Variants in CDH1 observed in about 807,000 individuals in gnomAD.
CDH1 encodes the protein cadherin-1.
CDH1 carries 35 observed loss-of-function variants against 84.5 expected under a neutral mutation model. The ratio of observed to expected loss-of-function variants is 0.41; its 90% confidence interval spans 0.32 to 0.55. The LOEUF is 0.55. Ranked by LOEUF, CDH1 falls within the 20% of genes least tolerant of loss-of-function variation. The pLI is 0.19. For missense variants in CDH1, 994 were observed against 1,126.6 expected (o/e 0.88, Z 1.68); for synonymous variants, 417 against 439.0 (o/e 0.95, Z 0.63).
intron 2 of CDH1, among the ~76,000 whole-genome samples, chr16:68,783,974 C>T (rs970354338): frequency 2.0e-5 from 3 of 152,136 alleles, no homozygotes; most frequent in Non-Finnish European, 4.4e-5. Context: ...CCGTGCCCAG[C>T]CCTTCATGAT....
intron 8 of CDH1, 38 bp downstream of exon 8, chr16:68,812,301 G>A (rs895294129): frequency 1.2e-6 from 2 of 1,610,020 alleles, no homozygotes; most frequent in African/African-American, 1.3e-5. Flanking sequence ...CCAAAGAAAG[G>A]TCTTTTGTTG....
In CDH1 at chr16:68,815,618, T is replaced by C. The variant is rs1060501217; in HGVS notation, c.1424T>C (p.Val475Ala). 5 of 1,614,206 alleles carry C rather than the reference T, an allele frequency of 3.1e-6. No homozygotes were observed. The highest frequency in any genetic ancestry group is 4.2e-6 in the Non-Finnish European group (5 of 1,180,038). ...SLTTSTATVT[V>A]DVLDVNEAPI... ...ACCACCTCCACAGCCACCGTCACCG[T>C]GGATGTGCTGGATGTGAATGAAGCC... The change falls in exon 10 of 16, where the codon GTG (valine) becomes GCG (alanine). Residue 475 changes from valine (V) to alanine (A), a missense_variant. Val to Ala is a moderately conservative substitution (Grantham distance 64). Around this residue, in one of 3 missense-constraint regions of CDH1, gnomAD observed 769 missense variants for 881.8 expected, o/e 0.87. Transcript: ENST00000261769.
At chr16:68,809,580 C>T (rs1245368337) in intron 5 of CDH1, among the ~76,000 whole-genome samples, 1 of 152,070 alleles carries the variant, frequency 6.6e-6, no homozygotes, top group East Asian at 1.9e-4. Context: ...AGCTGGAATG[C>T]AGTGGTACAA....
intron 2 of CDH1, among the ~76,000 whole-genome samples, chr16:68,783,116 G>C (rs572499082): frequency 3.3e-5 from 5 of 152,084 alleles, no homozygotes; most frequent in Middle Eastern, 3.4e-3. Flanking sequence ...AAGAAAAAGG[G>C]CCGGGAGTGG....
intron 2 of CDH1, among the ~76,000 whole-genome samples, chr16:68,778,047 T>C (rs1032309181): frequency 2.7e-5 from 4 of 150,562 alleles, no homozygotes; most frequent in African/African-American, 9.8e-5. Flanking sequence ...TTGGACACTT[T>C]ATTTATTTAT....
intron 3 of CDH1, 118 bp from the exon 4 acceptor site, chr16:68,808,306 T>C (rs1752849811): frequency 7.7e-6 from 8 of 1,045,556 alleles, no homozygotes; most frequent in Non-Finnish European, 1.0e-5. Flanking sequence ...TGTCATTAAA[T>C]TCAAACTGTA....
intron 2 of CDH1, among the ~76,000 whole-genome samples, chr16:68,757,606 C>G (rs974039602): frequency 6.6e-6 from 1 of 152,144 alleles, no homozygotes; most frequent in African/African-American, 2.4e-5. Flanking sequence ...ATTTATTTCT[C>G]TTTTAGCCTA....
At chr16:68,803,840 T>C (rs995769097) in intron 3 of CDH1, among the ~76,000 whole-genome samples, 2 of 152,104 alleles carry the variant, frequency 1.3e-5, no homozygotes, top group African/African-American at 4.8e-5. Flanking sequence ...TCGTGGTTTA[T>C]TCCTCAAGTT....
intron 2 of CDH1, among the ~76,000 whole-genome samples, chr16:68,786,520 C>CTTTTTTTTTTTTTT (rs1323536677): frequency 2.6e-5 from 2 of 77,532 alleles, no homozygotes; most frequent in East Asian, 3.3e-4. Flanking sequence ...TTTCTGCTTT[C>CTTTTTTTTTTTTTT]TTTTTTTTTT....
chr16:68,742,229 T>C (rs886721645), intron 2 of CDH1, among the ~76,000 whole-genome samples: 1 of 152,230 alleles, frequency 6.6e-6, no homozygotes, highest in Non-Finnish European at 1.5e-5. Context: ...GCTTGAGGGG[T>C]TGACCTAGTT....
rs886052245 is a variant in CDH1 at position 68,834,934 on chromosome 16, A to T, written c.*1435A>T. Reference sequence around the variant, plus strand: ...TGCTGAGGATGATTGAGGTGGGTCTACCTCATCTCTGAAAATTCTGGAAGG... The same window carrying T: ...TGCTGAGGATGATTGAGGTGGGTCTTCCTCATCTCTGAAAATTCTGGAAGG... On this transcript the variant is annotated 3_prime_UTR_variant, in exon 16 of 16. Coordinates refer to ENST00000261769, the MANE Select transcript of CDH1 (RefSeq NM_004360.5). 1.3e-5 allele frequency: 3 copies of T among 232,160 alleles called. No homozygotes were observed. Among genetic ancestry groups the T allele is most frequent in the East Asian group, 6.0e-5 (1 of 16,540 alleles). The allele number at this position is 232,160 out of a possible 1,614,324, so 14.4% of individuals were successfully genotyped here.
Position 68,808,472 on chromosome 16 carries a change from T to A in CDH1, c.436T>A (p.Ser146Thr). Residue 146 changes from serine to threonine, a missense_variant, in exon 4 of 16, where the codon TCT becomes ACT. By Grantham distance (58) the Ser-to-Thr change is moderately conservative. Around this residue, in one of 3 missense-constraint regions of CDH1, gnomAD observed 203 missense variants for 194.0 expected, o/e 1.05. Coordinates refer to ENST00000261769, the MANE Select transcript of CDH1 (RefSeq NM_004360.5). ...QAELLTFPNS[S>T]PGLRRQKRDW... ...AGAATTGCTCACATTTCCCAACTCC[T>A]CTCCTGGCCTCAGAAGACAGAAGAG... is the stretch of plus-strand genomic sequence containing the variant. 1 of 1,614,054 alleles carries A rather than the reference T, an allele frequency of 6.2e-7. No homozygotes were observed. Among genetic ancestry groups the A allele is most frequent in the Non-Finnish European group, 8.5e-7 (1 of 1,179,986 alleles).
chr16:68,737,718 A>G (rs1437720553), intron 1 of CDH1, among the ~76,000 whole-genome samples: 1 of 150,944 alleles, frequency 6.6e-6, no homozygotes, highest in African/African-American at 2.4e-5. Flanking sequence ...CTGGCCGCGG[A>G]GTCCGCGGGG....
chr16:68,776,370 C>T (rs1412267857), intron 2 of CDH1, among the ~76,000 whole-genome samples: 2 of 152,156 alleles, frequency 1.3e-5, no homozygotes, highest in Admixed American at 6.5e-5. Context: ...CCAACGTTTC[C>T]TGAACATGAA....
chr16:68,760,251 C>T (rs971126836), intron 2 of CDH1, among the ~76,000 whole-genome samples: 4 of 146,100 alleles, frequency 2.7e-5, no homozygotes, highest in Non-Finnish European at 4.5e-5. Context: ...AGGTGCCCAA[C>T]ACCACGCCCA....
chr16:68,768,047 C>A (rs369258282), intron 2 of CDH1, among the ~76,000 whole-genome samples: 2 of 152,236 alleles, frequency 1.3e-5, no homozygotes, highest in East Asian at 3.9e-4. Flanking sequence ...CCTCCGCCTC[C>A]CGGGTTCAAG....
Position 68,833,695 on chromosome 16 carries a change from T to G in CDH1, c.*196T>G, listed in dbSNP as rs576484193. The stretch of plus-strand genomic sequence containing the variant: ...AAGTTTGTGTTAGAAAAGTTTCGAC[T>G]TATTTCTTAAAGCTTTTTTTTTTTT... On this transcript the variant is annotated 3_prime_UTR_variant, in exon 16 of 16. Coordinates refer to ENST00000261769, the MANE Select transcript of CDH1 (RefSeq NM_004360.5). 2.0e-4 allele frequency: 119 copies of G among 597,414 alleles called. No homozygotes were observed. The highest frequency in any genetic ancestry group is 3.3e-4 in the Non-Finnish European group (111 of 338,620). 37.0% of individuals were successfully genotyped at this position (597,414 alleles called of 1,614,324 possible).
At chr16:68,799,095 G>A (rs1464678311) in intron 2 of CDH1, among the ~76,000 whole-genome samples, 2 of 152,176 alleles carry the variant, frequency 1.3e-5, no homozygotes, top group Non-Finnish European at 2.9e-5. Flanking sequence ...AGTAGAGAAG[G>A]CCAAGGCCCA....
In CDH1 at chr16:68,823,554, G is replaced by T. The variant is rs1167040681; in HGVS notation, c.2092G>T (p.Ala698Ser). The stretch of plus-strand genomic sequence containing the variant: ...AGGGGCCGCTGGCGTCTGTAGGAAG[G>T]CACAGCCTGTCGAAGCAGGATTGCA... Reference protein sequence around the residue: ...CEGAAGVCRKAQPVEAGLQIP... With the variant: ...CEGAAGVCRKSQPVEAGLQIP... The change falls in exon 13 of 16, where the codon GCA becomes TCA. Residue 698 changes from alanine to serine, a missense_variant. Ala to Ser is a moderately conservative substitution (Grantham distance 99). Around this residue, in one of 3 missense-constraint regions of CDH1, gnomAD observed 769 missense variants for 881.8 expected, o/e 0.87. Transcript: ENST00000261769. 9 of 1,614,018 alleles carry T rather than the reference G, an allele frequency of 5.6e-6. No individual in the cohort carries two copies. The highest frequency in any genetic ancestry group is 7.6e-6 in the Non-Finnish European group (9 of 1,180,016).
Sources: allele counts gnomAD v4.1 joint callset (sites outside exome capture counted in the v4.1 genomes callset), GRCh38; gene constraint gnomAD v4.1.1; regional missense constraint gnomAD v4.1.1; transcripts MANE v1.5; gene names NCBI Gene and HGNC (gene_info 2026-07-23, HGNC 2026-07-21).